ZFAND3: variants seen among roughly 807,000 people sequenced by gnomAD.
ZFAND3 encodes the protein AN1-type zinc finger protein 3.
In ZFAND3, 10 loss-of-function variants were observed where a neutral mutation model predicts 29.6. The ratio of observed to expected loss-of-function variants is 0.34; its 90% CI spans 0.21 to 0.57. The LOEUF is 0.57. Ranked by LOEUF, ZFAND3 falls within the 20% of genes least tolerant of loss-of-function variation. The pLI is 0.86. For missense variants in ZFAND3, 230 were observed against 304.5 expected (o/e 0.76, Z 1.82); for synonymous variants, 128 against 112.6 (o/e 1.14, Z -0.87).
Position 38,096,907 on chromosome 6 carries a change from C to T in ZFAND3, c.361+14450C>T, listed in dbSNP as rs1013826234. Reference sequence around the variant, plus strand: ...AATGTCTTCTAAGCATATTCATTAGCGGTTAGATTTGTCATTGTGCTCTTC... The same window carrying T: ...AATGTCTTCTAAGCATATTCATTAGTGGTTAGATTTGTCATTGTGCTCTTC... On this transcript the variant is annotated intron_variant, in intron 4 of 5. Coordinates refer to ENST00000287218, the MANE Select transcript of ZFAND3 (RefSeq NM_021943.3). Among the ~76,000 whole-genome samples the T allele has an allele frequency of 3.3e-5, 5 of 152,038 alleles. No homozygotes were observed. The East Asian group carries it at 5.8e-4, about 18-fold the overall frequency.
At chr6:37,837,662 A>G (rs770405111) in intron 1 of ZFAND3, among the ~76,000 whole-genome samples, 2 of 151,546 alleles carry the variant, frequency 1.3e-5, no homozygotes, top group Non-Finnish European at 2.9e-5. Context: ...GCGCCACCAC[A>G]CCCGGCTAAC....
intron 2 of ZFAND3, among the ~76,000 whole-genome samples, chr6:38,013,504 G>A (rs1416841805): frequency 2.0e-5 from 3 of 152,080 alleles, no homozygotes; most frequent in African/African-American, 4.8e-5. Flanking sequence ...GCATCCTACA[G>A]CCCCAGAACA....
At chr6:38,019,525 GAA>G (rs1763310336) in intron 2 of ZFAND3, among the ~76,000 whole-genome samples, 1 of 151,844 alleles carries the variant, frequency 6.6e-6, no homozygotes, top group Admixed American at 6.6e-5. Context: ...TTGAAATACA[GAA>G]AGTTTTTATT....
At position 38,144,211 on chromosome 6, in the gene ZFAND3, A is replaced by ATATAT. The variant is rs70981524; in HGVS notation, c.530-8024_530-8023insTATAT. On this transcript the variant is annotated intron_variant, in intron 5 of 5. Transcript: ENST00000287218. ...TATATATATATATATATATATATAT[A>ATATAT]ATATATAATATATATATATATTTTT... Among the ~76,000 whole-genome samples, 267 of 45,762 alleles carry ATATAT rather than the reference A, an allele frequency of 5.8e-3. 3 individuals are homozygous for ATATAT. Among genetic ancestry groups the ATATAT allele is most frequent in the African/African-American group, 9.3e-3 (75 of 8,062 alleles). The allele number at this position is 45,762 out of a possible 152,430, so 30.0% of individuals were successfully genotyped here. A position where few individuals can be genotyped will look rare whatever the true frequency, so the allele number is the denominator to read the frequency against.
At chr6:37,931,096 G>A (rs985779593) in intron 2 of ZFAND3, among the ~76,000 whole-genome samples, 1 of 152,164 alleles carries the variant, frequency 6.6e-6, no homozygotes, top group African/African-American at 2.4e-5. Flanking sequence ...CTGTGACTGG[G>A]GAATAGATAC....
At position 37,820,074 on chromosome 6, in the gene ZFAND3, C is replaced by T. The variant is rs1342857209; in HGVS notation, c.71+58C>T. The T allele has an allele frequency of 9.3e-6, 11 of 1,178,714 alleles. No individual in the cohort carries two copies. The East Asian group carries it at 2.6e-4, about 27-fold the overall frequency. 73.0% of individuals were successfully genotyped at this position (1,178,714 alleles called of 1,614,324 possible). A position where few individuals can be genotyped will look rare whatever the true frequency, so the allele number is the denominator to read the frequency against. On this transcript the variant is annotated intron_variant, in intron 1 of 5. Coordinates refer to ENST00000287218, the MANE Select transcript of ZFAND3 (RefSeq NM_021943.3). ...GGGGCCGGGGGCGCAGACGCCAGGG[C>T]AGCCTGGGCAGGCCTCGGGGCCCGG...
chr6:37,970,872 T>G (rs1350729143), intron 2 of ZFAND3, among the ~76,000 whole-genome samples: 2 of 152,174 alleles, frequency 1.3e-5, no homozygotes, highest in South Asian at 2.1e-4. Flanking sequence ...ACCACTGCAC[T>G]CCAGCCTGGG....
At chr6:37,886,526 A>T (rs996751290) in intron 1 of ZFAND3, among the ~76,000 whole-genome samples, 1 of 152,188 alleles carries the variant, frequency 6.6e-6, no homozygotes, top group Non-Finnish European at 1.5e-5. Flanking sequence ...AGTGGTTTCT[A>T]ATCACAGGAG....
rs1764836563 is a variant in ZFAND3 at position 37,878,590 on chromosome 6, T to G, written c.72-51369T>G. Reference sequence around the variant, plus strand: ...CAGCAGCACCCTGGGGCTGAGCAGCTGGGGAGTCCCACCACTGGCAGCTAC... The same window carrying G: ...CAGCAGCACCCTGGGGCTGAGCAGCGGGGGAGTCCCACCACTGGCAGCTAC... On this transcript the variant is annotated intron_variant, in intron 1 of 5. Transcript: ENST00000287218. Among the ~76,000 whole-genome samples, 3 of 152,316 alleles carry G rather than the reference T, an allele frequency of 2.0e-5. No individual in the cohort carries two copies. In the South Asian group the frequency reaches 6.2e-4, roughly 32 times the overall value.
rs1171122771 is a variant in ZFAND3, at chr6:38,051,556, C to G, written c.113-10037C>G. On this transcript the variant is annotated intron_variant, in intron 2 of 5. Transcript: ENST00000287218. ...TTGAGGGGAAGTCTTTAGATTATAC[C>G]AAGGATCAACTGTAAACAAAGAGAA... Among the ~76,000 whole-genome samples, 3 of 152,100 alleles carry G rather than the reference C, an allele frequency of 2.0e-5. No homozygotes were observed. The East Asian group carries it at 5.8e-4, about 29-fold the overall frequency.
chr6:38,063,892 A>G (rs1233390507), intron 3 of ZFAND3, among the ~76,000 whole-genome samples: 1 of 152,218 alleles, frequency 6.6e-6, no homozygotes, highest in African/African-American at 2.4e-5. Flanking sequence ...GCAAAGAAAG[A>G]ATTTTTTAAA....
At chr6:37,960,977 A>G (rs914798851) in intron 2 of ZFAND3, among the ~76,000 whole-genome samples, 2 of 152,096 alleles carry the variant, frequency 1.3e-5, no homozygotes, top group East Asian at 3.9e-4. Context: ...CAGGAGGCTG[A>G]GGTGAGGGTG....
At chr6:37,847,436 T>G (rs1433013857) in intron 1 of ZFAND3, among the ~76,000 whole-genome samples, 1 of 152,020 alleles carries the variant, frequency 6.6e-6, no homozygotes, top group Non-Finnish European at 1.5e-5. Flanking sequence ...TAGCTGGGTG[T>G]GGTGGCATTT....
chr6:38,104,328 T>C (rs192640982), intron 4 of ZFAND3, among the ~76,000 whole-genome samples: 1 of 152,298 alleles, frequency 6.6e-6, no homozygotes, highest in African/African-American at 2.4e-5. Context: ...AGAGGAAGCT[T>C]TGACTTCTGC....
chr6:37,896,514 T>TTTTCTCTC (rs1765208029), intron 1 of ZFAND3, among the ~76,000 whole-genome samples: 2 of 109,100 alleles, frequency 1.8e-5, no homozygotes, highest in Non-Finnish European at 3.7e-5. Flanking sequence ...TTCCTCTTTC[T>TTTTCTCTC]TTTCTTTCTT....
chr6:37,879,754 G>C (rs1447842491), intron 1 of ZFAND3, among the ~76,000 whole-genome samples: 1 of 152,168 alleles, frequency 6.6e-6, no homozygotes, highest in Non-Finnish European at 1.5e-5. Context: ...TTCAGAATGT[G>C]AGTTAGGGTA....
chr6:37,974,260 G>A (rs1259392895), intron 2 of ZFAND3, among the ~76,000 whole-genome samples: 1 of 152,106 alleles, frequency 6.6e-6, no homozygotes, highest in Non-Finnish European at 1.5e-5. Flanking sequence ...GACGGAGTTT[G>A]ACCATGTTGG....
At chr6:37,828,544 A>T (rs1286966297) in intron 1 of ZFAND3, among the ~76,000 whole-genome samples, 1 of 152,256 alleles carries the variant, frequency 6.6e-6, no homozygotes, top group East Asian at 1.9e-4. Flanking sequence ...TAAATAATAA[A>T]AAATAAACCA....
Position 37,950,714 on chromosome 6 carries a change from T to C in ZFAND3, c.112+20715T>C, listed in dbSNP as rs114085086. Among the ~76,000 whole-genome samples the C allele has an allele frequency of 5.1e-3, 776 of 152,232 alleles. 6 individuals are homozygous for C. Among genetic ancestry groups the C allele is most frequent in the African/African-American group, 0.018 (743 of 41,540 alleles). On this transcript the variant is annotated intron_variant, in intron 2 of 5. Transcript: ENST00000287218. ...GTTGATGGTTATAGTTGTATGGCTT[T>C]ATTTTGGGTTCTCTAACCTGTTCCG... is the stretch of plus-strand genomic sequence containing the variant.
Sources: gnomAD v4.1 joint callset for allele counts (sites outside exome capture counted in the v4.1 genomes callset) on GRCh38, gnomAD v4.1.1 for gene constraint, MANE v1.5 for transcripts, NCBI Gene and HGNC (gene_info 2026-07-23, HGNC 2026-07-21) for gene names.